The following MACF1 variants were observed in gnomAD, a reference collection of about 807,000 sequenced individuals.
The protein encoded by MACF1 is microtubule-actin cross-linking factor 1.
A neutral mutation model predicts 854.8 loss-of-function variants in MACF1; 193 were observed. The ratio of observed to expected loss-of-function variants is 0.23; its 90% CI spans 0.20 to 0.25. The LOEUF is 0.25. Ranked by LOEUF, MACF1 falls within the 10% of genes least tolerant of loss-of-function variation. The pLI, the probability that MACF1 is intolerant of heterozygous loss-of-function variation, is 1.00. For synonymous variants in MACF1, 3,185 were observed against 3,226.7 expected (o/e 0.99, Z 0.44); for missense variants, 7,722 against 8,929.1 (o/e 0.86, Z 5.45).
At chr1:39,168,407 A>G (rs1218592429) in intron 2 of MACF1, among the ~76,000 whole-genome samples, 2 of 152,062 alleles carry the variant, frequency 1.3e-5, no homozygotes, top group African/African-American at 2.4e-5. Flanking sequence ...TAACTGTGGC[A>G]GTTTTCTAAG....
intron 50 of MACF1, 67 bp from the exon 51 acceptor site, chr1:39,369,963 C>A: frequency 1.4e-6 from 2 of 1,433,400 alleles, no homozygotes; most frequent in Non-Finnish European, 1.9e-6. Context: ...ACAGAATGAA[C>A]TACTCTTAGC....
Position 39,434,557 on chromosome 1 carries a change from T to A in MACF1, c.17709T>A (p.Thr5903=). The A allele has an allele frequency of 1.2e-6, 2 of 1,614,136 alleles. No homozygotes were observed. Among genetic ancestry groups the A allele is most frequent in the Non-Finnish European group, 1.7e-6 (2 of 1,180,028 alleles). Residue 5903 remains threonine, a synonymous_variant, in exon 69 of 101, where the codon ACT becomes ACA. Transcript: ENST00000564288. ...YEELSPWIEE[T]RALIAQLPSP... is the part of the protein sequence containing the mutation. ...AGCTCAGCCCCTGGATTGAGGAAAC[T>A]CGGGCACTAATAGCACAGTTACCCT...
intron 43 of MACF1, among the ~76,000 whole-genome samples, chr1:39,352,587 G>A (rs1435172825): frequency 6.6e-6 from 1 of 152,102 alleles, no homozygotes; most frequent in Non-Finnish European, 1.5e-5. Flanking sequence ...GCACGATCTT[G>A]GCTTACTGCA....
chr1:39,453,918 T>G, intron 88 of MACF1, 68 bp downstream of exon 88: 1 of 1,505,254 alleles, frequency 6.6e-7, no homozygotes, highest in Non-Finnish European at 9.0e-7. Flanking sequence ...AGTATAGTAT[T>G]TTTCCCCCAG....
chr1:39,112,808 A>G (rs924922741), intron 2 of MACF1, among the ~76,000 whole-genome samples: 1 of 152,116 alleles, frequency 6.6e-6, no homozygotes, highest in Non-Finnish European at 1.5e-5. Context: ...CCTGCCCAAA[A>G]TGTTCTCAAA....
In MACF1 at chr1:39,444,926, A is replaced by ACC. The variant is rs1198019965; in HGVS notation, c.19605+92_19605+93dup. The ACC allele has an allele frequency of 1.7e-5, 21 of 1,204,020 alleles. No homozygotes were observed. The African/African-American group carries it at 3.0e-4, about 17-fold the overall frequency. 74.6% of individuals were successfully genotyped at this position (1,204,020 alleles called of 1,614,324 possible). ...TTATTTATATGAAGATTTTTTGAAG[A>ACC]CCAGGGTATTGTAACAGAAGTTGCA... On this transcript the variant is annotated intron_variant, in intron 80 of 100. Coordinates refer to ENST00000564288, the MANE Select transcript of MACF1 (RefSeq NM_001394062.1).
At chr1:39,141,418 A>G (rs1247868895) in intron 2 of MACF1, among the ~76,000 whole-genome samples, 1 of 152,128 alleles carries the variant, frequency 6.6e-6, no homozygotes, top group East Asian at 1.9e-4. Context: ...GGTGTAGCAT[A>G]TAGGTGTTAA....
At chr1:39,100,784 G>T (rs552853353) in intron 2 of MACF1, among the ~76,000 whole-genome samples, 2 of 152,078 alleles carry the variant, frequency 1.3e-5, no homozygotes, top group Non-Finnish European at 2.9e-5. Context: ...AACTCAGGAG[G>T]TGGAGGTTGC....
At chr1:39,119,340 A>C (rs936191394) in intron 2 of MACF1, among the ~76,000 whole-genome samples, 2 of 142,670 alleles carry the variant, frequency 1.4e-5, no homozygotes, top group Non-Finnish European at 3.1e-5. Context: ...AAAAAAAAAC[A>C]ACCAGAAAAA....
In MACF1 at chr1:39,336,598, C is replaced by T. The variant is rs1209655734; in HGVS notation, c.10010C>T (p.Ala3337Val). 1 of 1,613,652 alleles carries T rather than the reference C, an allele frequency of 6.2e-7. No individual in the cohort carries two copies. Among genetic ancestry groups the T allele is most frequent in the African/African-American group, 1.3e-5 (1 of 74,848 alleles). ...AGTGAACAAACTCCCTTCATGACTGCACCTGAAGGAAAGGGAAATGGAGGT... is the reference window on the plus strand; with the variant it reads ...AGTGAACAAACTCCCTTCATGACTGTACCTGAAGGAAAGGGAAATGGAGGT... ...PGSEQTPFMT[A>V]PEGKGNGGVN... Residue 3337 changes from alanine to valine, a missense_variant, in exon 37 of 101, where the codon GCA becomes GTA. By Grantham distance (64) the Ala-to-Val change is moderately conservative. Around this residue, in one of 15 missense-constraint regions of MACF1, gnomAD observed 854 missense variants for 852.6 expected, o/e 1.00. Coordinates refer to ENST00000564288, the MANE Select transcript of MACF1 (RefSeq NM_001394062.1).
In MACF1 at chr1:39,390,983, C is replaced by T. The variant is rs183396051; in HGVS notation, c.15816+2325C>T. ...AAAATTAGCTGGGTATGGTGGCAGGCGCCTGTAGTCCCAGCTACTCGGGAG... is the reference window on the plus strand; with the variant it reads ...AAAATTAGCTGGGTATGGTGGCAGGTGCCTGTAGTCCCAGCTACTCGGGAG... On this transcript the variant is annotated intron_variant, in intron 58 of 100. Transcript: ENST00000564288. Among the ~76,000 whole-genome samples, 784 of 151,890 alleles carry T rather than the reference C, an allele frequency of 5.2e-3. 6 individuals carry two copies. The highest frequency in any genetic ancestry group is 0.017 in the African/African-American group (723 of 41,424).
intron 2 of MACF1, among the ~76,000 whole-genome samples, chr1:39,232,898 T>G (rs1644800371): frequency 1.3e-5 from 2 of 152,130 alleles, no homozygotes; most frequent in African/African-American, 4.8e-5. Context: ...TTCTCCCACC[T>G]CATCCTCCTG....
At position 39,311,342 on chromosome 1, in the gene MACF1, T is replaced by C. The variant is rs1399256485; in HGVS notation, c.3270+342T>C. ...TGTGCCTGTGTTACTTTAAATGACT[T>C]GGTTACCTTCAGTCATATGACCAAT... is the stretch of plus-strand genomic sequence containing the variant. On this transcript the variant is annotated intron_variant, in intron 26 of 100. Coordinates refer to ENST00000564288, the MANE Select transcript of MACF1 (RefSeq NM_001394062.1). Among the ~76,000 whole-genome samples the C allele has an allele frequency of 2.6e-5, 4 of 152,208 alleles. No homozygotes were observed. In the East Asian group the frequency reaches 7.7e-4, roughly 29 times the overall value.
At chr1:39,275,657 C>G (rs1645420544) in intron 6 of MACF1, among the ~76,000 whole-genome samples, 1 of 152,134 alleles carries the variant, frequency 6.6e-6, no homozygotes. Context: ...TGCTACTGTT[C>G]TTTAGAAAGT....
At chr1:39,310,635 C>T (rs769674302) in intron 25 of MACF1, among the ~76,000 whole-genome samples, 196 bp from the exon 26 acceptor site, 19 of 152,230 alleles carry the variant, frequency 1.2e-4, no homozygotes, top group Admixed American at 5.2e-4. Context: ...CATTACTGCT[C>T]ATCAACCTAT....
In MACF1 at chr1:39,219,263, G is replaced by C. The variant is rs551125221; in HGVS notation, c.110-11919G>C. 2.0e-5 allele frequency among the ~76,000 whole-genome samples: 3 copies of C among 152,138 alleles called. No individual in the cohort carries two copies. In the South Asian group the frequency reaches 6.2e-4, roughly 31 times the overall value. ...TAACTTGATTATATAGGACTGCATTGTATTGTCTTCTAATAAATTTATGGA... is the reference window on the plus strand; with the variant it reads ...TAACTTGATTATATAGGACTGCATTCTATTGTCTTCTAATAAATTTATGGA... On this transcript the variant is annotated intron_variant, in intron 1 of 100. Coordinates refer to ENST00000564288, the MANE Select transcript of MACF1 (RefSeq NM_001394062.1).
chr1:39,396,716 T>C (rs889183027), intron 58 of MACF1, among the ~76,000 whole-genome samples: 2 of 152,208 alleles, frequency 1.3e-5, no homozygotes, highest in African/African-American at 2.4e-5. Flanking sequence ...ATGAGTTTCT[T>C]TGAAGGGCCG....
intron 2 of MACF1, among the ~76,000 whole-genome samples, chr1:39,098,755 G>T (rs1052686103): frequency 4.6e-5 from 7 of 152,196 alleles, no homozygotes; most frequent in African/African-American, 1.7e-4. Flanking sequence ...GCTGCTGGTG[G>T]CAGGGATCTT....
At chr1:39,431,552 C>T (rs1643875699) in intron 66 of MACF1, among the ~76,000 whole-genome samples, 1 of 152,168 alleles carries the variant, frequency 6.6e-6, no homozygotes, top group Non-Finnish European at 1.5e-5. Flanking sequence ...GGTATATCCC[C>T]AGTGTGTCTT....
Sources: gnomAD v4.1 joint callset for allele counts (sites outside exome capture counted in the v4.1 genomes callset) on GRCh38, gnomAD v4.1.1 for gene constraint, gnomAD v4.1.1 regional missense constraint, MANE v1.5 for transcripts, NCBI Gene and HGNC (gene_info 2026-07-23, HGNC 2026-07-21) for gene names.